The following CR2 variants were observed in gnomAD, a reference collection of about 807,000 sequenced individuals.
The protein encoded by CR2 is complement receptor type 2.
In CR2, 96 loss-of-function variants were observed where a neutral mutation model predicts 123.0. The observed-to-expected ratio is 0.78, with a 90% CI of 0.66 to 0.93. CR2 has a LOEUF of 0.93. Among genes scored for constraint, CR2 ranks in the 40% least tolerant of loss-of-function variants. The probability of loss-of-function intolerance (pLI) is 0.00; values close to 1 mark genes in which losing one functional copy is unlikely to be tolerated. For missense variants in CR2, 1,258 were observed against 1,361.0 expected, an observed-to-expected ratio of 0.92 and a Z score of 1.19; for synonymous variants, 484 against 469.5, an observed-to-expected ratio of 1.03 and a Z score of -0.40.
chr1:207,483,228 G>T (rs776405619), intron 18 of CR2, among the ~76,000 whole-genome samples: 1 of 152,072 alleles, frequency 6.6e-6, no homozygotes, highest in Non-Finnish European at 1.5e-5. Flanking sequence ...TTTCTTTCAC[G>T]TGCCAAGTCC....
In CR2 at chr1:207,466,776, A is replaced by T. The variant is rs1037853856; in HGVS notation, c.309A>T (p.Arg103Ser). ...TAGTACCAGGAGGATACAAAATTAG[A>T]GGCTCTACACCCTACAGACATGGTG... is the stretch of plus-strand genomic sequence containing the variant. ...EPIVPGGYKI[R>S]GSTPYRHGDS... The change falls in exon 2 of 20, where the codon AGA becomes AGT. Residue 103 changes from arginine to serine, a missense_variant. Physicochemically the swap from Arg to Ser is moderately radical, Grantham distance 110. Transcript: ENST00000367057. 1.9e-6 allele frequency: 3 copies of T among 1,613,974 alleles called. No homozygotes were observed. Among genetic ancestry groups the T allele is most frequent in the East Asian group, 4.5e-5 (2 of 44,852 alleles).
At chr1:207,477,146 G>A (rs1475235379) in intron 15 of CR2, among the ~76,000 whole-genome samples, 1 of 152,220 alleles carries the variant, frequency 6.6e-6, no homozygotes, top group African/African-American at 2.4e-5. Context: ...ATCTGAAACT[G>A]GGTAATTTAT....
chr1:207,480,129 A>G, intron 18 of CR2, 76 bp downstream of exon 18: 1 of 1,033,782 alleles, frequency 9.7e-7, no homozygotes, highest in Non-Finnish European at 1.5e-6. Context: ...CTAAACACAG[A>G]AGCACAAGTT....
chr1:207,487,426 A>G (rs930667050), intron 19 of CR2, among the ~76,000 whole-genome samples: 4 of 152,188 alleles, frequency 2.6e-5, no homozygotes, highest in African/African-American at 9.7e-5. Flanking sequence ...AGCTGGGATT[A>G]TAGGCAAGCA....
At chr1:207,471,113 C>G in intron 8 of CR2, 26 bp downstream of exon 8, 1 of 1,607,074 alleles carries the variant, frequency 6.2e-7, no homozygotes, top group Non-Finnish European at 8.5e-7. Context: ...CTTAGTCTGA[C>G]CCAATTCCGG....
At chr1:207,474,195 T>A (rs1558193609) in intron 12 of CR2, 46 bp from the exon 13 acceptor site, 1 of 1,405,656 alleles carries the variant, frequency 7.1e-7, no homozygotes, top group African/African-American at 1.4e-5. Flanking sequence ...TTTGAAGAGA[T>A]ATGATATTGG....
chr1:207,476,806 A>G (rs899892108), intron 15 of CR2, among the ~76,000 whole-genome samples: 23 of 152,352 alleles, frequency 1.5e-4, no homozygotes, highest in African/African-American at 5.5e-4. Flanking sequence ...TTATGGGTAC[A>G]TTTTTAATAA....
intron 1 of CR2, among the ~76,000 whole-genome samples, chr1:207,458,886 A>T (rs987352058): frequency 1.3e-5 from 2 of 152,222 alleles, no homozygotes; most frequent in African/African-American, 4.8e-5. Context: ...GTTCACAGAT[A>T]CATCTCCTGT....
intron 19 of CR2, among the ~76,000 whole-genome samples, chr1:207,486,994 T>C (rs1658767220): frequency 6.6e-6 from 1 of 152,160 alleles, no homozygotes; most frequent in Non-Finnish European, 1.5e-5. Context: ...TTTGTCATCA[T>C]GTGGTTGTAC....
In CR2 at chr1:207,473,620, C is replaced by T; in HGVS notation, c.2054C>T (p.Thr685Ile). The T allele has an allele frequency of 6.2e-7, 1 of 1,613,996 alleles. No homozygotes were observed. The highest frequency in any genetic ancestry group is 8.5e-7 in the Non-Finnish European group (1 of 1,179,904). Reference sequence around the variant, plus strand: ...ACGGTCTTCTTTGTCTCTGGGATGACTGTAGACTACACTTGTGACCCTGGC... The same window carrying T: ...ACGGTCTTCTTTGTCTCTGGGATGATTGTAGACTACACTTGTGACCCTGGC... ...GNTVFFVSGMTVDYTCDPGYL... is the reference protein window; with the variant it reads ...GNTVFFVSGMIVDYTCDPGYL... The change falls in exon 11 of 20, where the codon ACT becomes ATT. Residue 685 changes from threonine (T) to isoleucine (I), a missense_variant. By Grantham distance (89) the Thr-to-Ile change is moderately conservative. Coordinates refer to ENST00000367057, the MANE Select transcript of CR2 (RefSeq NM_001006658.3).
chr1:207,479,421 T>C, intron 17 of CR2, 141 bp downstream of exon 17: 1 of 640,032 alleles, frequency 1.6e-6, no homozygotes, highest in Non-Finnish European at 2.7e-6. Flanking sequence ...GATACTTCAA[T>C]GTACATGTCA....
In CR2 at chr1:207,472,998, T is replaced by A; in HGVS notation, c.1797T>A (p.Ala599=). 1 of 1,614,026 alleles carries A rather than the reference T, an allele frequency of 6.2e-7. No homozygotes were observed. The highest frequency in any genetic ancestry group is 1.3e-5 in the African/African-American group (1 of 75,018). Residue 599 remains alanine (A), a synonymous_variant, in exon 10 of 20, where the codon GCT becomes GCA. Transcript: ENST00000367057. ...PAPLCKLSLL[A]VQCSHVHIAN... ...CCCTGTGTAAACTTTCCCTCCTTGCTGTCCAGTGCTCACATGTCCATATTG... is the reference window on the plus strand; with the variant it reads ...CCCTGTGTAAACTTTCCCTCCTTGCAGTCCAGTGCTCACATGTCCATATTG...
In CR2 at chr1:207,475,328, G is replaced by A; in HGVS notation, c.2716+112G>A. The A allele has an allele frequency of 5.1e-6, 6 of 1,168,830 alleles. No individual in the cohort carries two copies. In the South Asian group the frequency reaches 5.8e-5, roughly 11 times the overall value. 72.4% of individuals were successfully genotyped at this position (1,168,830 alleles called of 1,614,324 possible). A position where few individuals can be genotyped will look rare whatever the true frequency, so the allele number is the denominator to read the frequency against. The stretch of plus-strand genomic sequence containing the variant: ...AGAAAAGCATCTAAGAGCTAAGGCA[G>A]TTATATTGTTTTACAAGATATTTGC... On this transcript the variant is annotated intron_variant, in intron 14 of 19. Transcript: ENST00000367057.
At chr1:207,458,412 A>G (rs1657891618) in intron 1 of CR2, among the ~76,000 whole-genome samples, 1 of 151,986 alleles carries the variant, frequency 6.6e-6, no homozygotes, top group African/African-American at 2.4e-5. Flanking sequence ...TGAACTCTCC[A>G]ATGACTTCTA....
intron 6 of CR2, 87 bp from the exon 7 acceptor site, chr1:207,470,653 T>G (rs1254927415): frequency 1.5e-6 from 2 of 1,296,832 alleles, no homozygotes; most frequent in Non-Finnish European, 2.2e-6. Context: ...AGTGGAATTA[T>G]AGCATGAATA....
Position 207,479,246 on chromosome 1 carries a change from A to G in CR2, c.3089-11A>G, listed in dbSNP as rs374086550. ...CTGATAATCATTTTCATGATTTTGT[A>G]CTATTTTTAGGTTCACTTGCTCCTG... On this transcript the variant is annotated splice_polypyrimidine_tract_variant and intron_variant, in intron 16 of 19. Transcript: ENST00000367057. The G allele has an allele frequency of 1.9e-6, 3 of 1,585,840 alleles. No homozygotes were observed. Among genetic ancestry groups the G allele is most frequent in the Non-Finnish European group, 2.6e-6 (3 of 1,154,588 alleles).
chr1:207,471,507 G>A lies in CR2; in HGVS notation c.1570+8G>A. ...AGATTCGTCTTTGTAAAGGTGAGTA[G>A]CAAAAATGATATAGGAGCTGAAATA... On this transcript the variant is annotated splice_region_variant and intron_variant, in intron 9 of 19. Coordinates refer to ENST00000367057, the MANE Select transcript of CR2 (RefSeq NM_001006658.3). 1 of 1,589,706 alleles carries A rather than the reference G, an allele frequency of 6.3e-7. No individual in the cohort carries two copies. Among genetic ancestry groups the A allele is most frequent in the Non-Finnish European group, 8.6e-7 (1 of 1,157,904 alleles).
In CR2 at chr1:207,472,884, A is replaced by T; in HGVS notation, c.1683A>T (p.Glu561Asp). ...TVTYTCNPGP[E>D]RGVEFSLIGE... ...CTTACACATGTAACCCTGGGCCAGA[A>T]AGAGGAGTGGAATTCAGCCTCATTG... is the stretch of plus-strand genomic sequence containing the variant. The change falls in exon 10 of 20, where the codon GAA becomes GAT. Residue 561 changes from glutamate to aspartate, a missense_variant. Transcript: ENST00000367057. 6.2e-7 allele frequency: 1 copy of T among 1,614,086 alleles called. No homozygotes were observed.
At chr1:207,478,187 G>A (rs1333515662) in intron 16 of CR2, 117 bp downstream of exon 16, 5 of 1,118,778 alleles carry the variant, frequency 4.5e-6, no homozygotes, top group Non-Finnish European at 6.6e-6. Context: ...GTGACCAGTT[G>A]TATAATTACA....
Sources: gnomAD v4.1 joint callset for allele counts (sites outside exome capture counted in the v4.1 genomes callset) on GRCh38, gnomAD v4.1.1 for gene constraint, MANE v1.5 for transcripts, NCBI Gene and HGNC (gene_info 2026-07-23, HGNC 2026-07-21) for gene names.